CYFIP1: variants seen among roughly 807,000 people sequenced by gnomAD.
CYFIP1 encodes the protein cytoplasmic FMR1 interacting protein 1, also known as cytoplasmic FMR1-interacting protein 1.
Under a neutral mutation model 163.5 loss-of-function variants are expected in CYFIP1, and 58 were observed. The ratio of observed to expected loss-of-function variants is 0.35; its 90% CI spans 0.29 to 0.44. The LOEUF (loss-of-function observed/expected upper bound fraction) is 0.44, where lower values mean the gene tolerates loss of function less well. CYFIP1 is among the 20% of genes least tolerant of loss of function. CYFIP1 has a pLI of 1.00. For missense variants in CYFIP1, 1,338 were observed against 1,653.8 expected, an observed-to-expected ratio of 0.81 and a Z score of 3.31; for synonymous variants, 663 against 660.7, an observed-to-expected ratio of 1.00 and a Z score of -0.05.
chr15:22,947,328 G>A (rs1427025992), intron 1 of CYFIP1, 37 bp from the exon 2 acceptor site: 1 of 1,597,762 alleles, frequency 6.3e-7, no homozygotes, highest in East Asian at 2.2e-5. Context: ...TCTGTGAGGA[G>A]AAGGAGGGGA....
chr15:22,939,139 A>G, intron 8 of CYFIP1, 53 bp downstream of exon 8: 1 of 1,606,256 alleles, frequency 6.2e-7, no homozygotes, highest in African/African-American at 1.3e-5. Flanking sequence ...CCTATTGACA[A>G]GAGTAAGGCT....
intron 1 of CYFIP1, among the ~76,000 whole-genome samples, chr15:22,973,799 A>G (rs1236077960): frequency 6.6e-6 from 1 of 152,236 alleles, no homozygotes; most frequent in Non-Finnish European, 1.5e-5. Flanking sequence ...ATATCTGCAA[A>G]CCATATAACT....
chr15:22,893,068 T>G (rs1032919104), intron 22 of CYFIP1, 91 bp from the exon 23 acceptor site: 3 of 895,352 alleles, frequency 3.4e-6, no homozygotes, highest in Non-Finnish European at 5.3e-6. Flanking sequence ...ATCTACTAAA[T>G]CTTCCTCCCA....
At chr15:22,892,832 T>C in intron 23 of CYFIP1, 58 bp downstream of exon 23, 2 of 1,336,488 alleles carry the variant, frequency 1.5e-6, no homozygotes, top group South Asian at 1.2e-5. Flanking sequence ...TAAACTACAC[T>C]TCAAAACATG....
chr15:22,879,057 A>G (rs1195423056), intron 26 of CYFIP1, among the ~76,000 whole-genome samples: 1 of 151,562 alleles, frequency 6.6e-6, no homozygotes, highest in Admixed American at 6.6e-5. Flanking sequence ...AATGGCGTGA[A>G]CCCGGGAGGC....
At chr15:22,913,966 C>G (rs1012628767) in intron 17 of CYFIP1, among the ~76,000 whole-genome samples, 1 of 152,242 alleles carries the variant, frequency 6.6e-6, no homozygotes, top group Admixed American at 6.5e-5. Flanking sequence ...TCACGGTGCT[C>G]AGAAGACAGA....
At chr15:22,922,803 C>G (rs1171666123) in intron 13 of CYFIP1, among the ~76,000 whole-genome samples, 2 of 152,086 alleles carry the variant, frequency 1.3e-5, no homozygotes, top group African/African-American at 4.8e-5. Flanking sequence ...ACCAGCCTGG[C>G]CAACATGGTG....
chr15:22,878,835 G>A (rs1331513462), intron 26 of CYFIP1, among the ~76,000 whole-genome samples: 4 of 152,148 alleles, frequency 2.6e-5, no homozygotes, highest in South Asian at 2.1e-4. Flanking sequence ...AGAATGAGCT[G>A]TAGAAAAATA....
chr15:22,905,725 A>G (rs914753158), intron 21 of CYFIP1, among the ~76,000 whole-genome samples: 4 of 149,888 alleles, frequency 2.7e-5, no homozygotes, highest in African/African-American at 9.8e-5. Context: ...GGAGCGAGCC[A>G]CCGAGTGCCC....
At chr15:22,958,759 GCT>G (rs1159538871) in intron 1 of CYFIP1, among the ~76,000 whole-genome samples, 3 of 152,150 alleles carry the variant, frequency 2.0e-5, no homozygotes, top group African/African-American at 7.2e-5. Context: ...GCTTTCACTG[GCT>G]CTCTCTGCCT....
intron 1 of CYFIP1, among the ~76,000 whole-genome samples, chr15:22,964,274 CCACACACACACA>C (rs60879784): frequency 4.7e-4 from 46 of 97,176 alleles, no homozygotes; most frequent in African/African-American, 1.3e-3. Context: ...CTCCTCCTCA[CCACACACACACA>C]CACACACACA....
At position 22,910,526 on chromosome 15, in the gene CYFIP1, A is replaced by G. The variant is rs540248676; in HGVS notation, c.2262T>C (p.His754=). Residue 754 remains histidine, a synonymous_variant, in exon 20 of 31, where the codon CAT becomes CAC. Transcript: ENST00000617928. ...NRYETLLKQR[H]VQLLGRSIDL... ...CAGCCCGGCCCCAGCTCACCTGCAC[A>G]TGCCTCTGCTTCAGCAGCGTCTCGT... The G allele has an allele frequency of 3.8e-5, 62 of 1,613,660 alleles. No homozygotes were observed. The Admixed American group carries it at 7.0e-4, about 18-fold the overall frequency.
At chr15:22,967,183 C>A in intron 1 of CYFIP1, among the ~76,000 whole-genome samples, 1 of 152,324 alleles carries the variant, frequency 6.6e-6, no homozygotes, top group Middle Eastern at 3.4e-3. Context: ...CCTATCGCCC[C>A]TTCCCAGGAG....
intron 13 of CYFIP1, among the ~76,000 whole-genome samples, chr15:22,925,186 T>C (rs1317702171): frequency 1.3e-5 from 2 of 152,196 alleles, no homozygotes; most frequent in Non-Finnish European, 2.9e-5. Flanking sequence ...GTTCATATCC[T>C]GATTAAAATC....
In CYFIP1 at chr15:22,910,636, AG is replaced by A; in HGVS notation, c.2160-9del. On this transcript the variant is annotated splice_polypyrimidine_tract_variant and intron_variant, in intron 19 of 30. Coordinates refer to ENST00000617928, the MANE Select transcript of CYFIP1 (RefSeq NM_014608.6). The stretch of plus-strand genomic sequence containing the variant: ...CGTTTATCAAGAAGCAAACTAGTGT[AG>A]AAGGAAGACAGAAAGTTTTTCATAC... 6.2e-7 allele frequency: 1 copy of A among 1,613,238 alleles called. No homozygotes were observed. The highest frequency in any genetic ancestry group is 8.5e-7 in the Non-Finnish European group (1 of 1,179,122).
chr15:22,949,324 A>G (rs912401185), intron 1 of CYFIP1, among the ~76,000 whole-genome samples: 1 of 132,662 alleles, frequency 7.5e-6, no homozygotes, highest in Non-Finnish European at 1.6e-5. Context: ...CTAAGCCTAA[A>G]GCGGGGAGGT....
In CYFIP1 at chr15:22,927,972, C is replaced by T. The variant is rs543780244; in HGVS notation, c.1167G>A (p.Lys389=). Residue 389 remains lysine (K), a synonymous_variant, in exon 12 of 31, where the codon AAG becomes AAA. Coordinates refer to ENST00000617928, the MANE Select transcript of CYFIP1 (RefSeq NM_014608.6). ...EAQKTDAEYR[K]LFDLALQGLQ... ...GGCCCTGCAGCGCCAGGTCGAAGAG[C>T]TTGCGGTACTCCGCGTCCGTCTTCT... is the stretch of plus-strand genomic sequence containing the variant. The T allele has an allele frequency of 6.2e-7, 1 of 1,603,588 alleles. No individual in the cohort carries two copies. Among genetic ancestry groups the T allele is most frequent in the African/African-American group, 1.3e-5 (1 of 74,520 alleles).
chr15:22,978,613 C>T (rs1345025405), intron 1 of CYFIP1, among the ~76,000 whole-genome samples: 1 of 152,058 alleles, frequency 6.6e-6, no homozygotes, highest in Non-Finnish European at 1.5e-5. Flanking sequence ...TTTTAGTATA[C>T]ACGGTTCTAT....
At chr15:22,951,617 G>C (rs1384540164) in intron 1 of CYFIP1, 1 of 1,209,210 alleles carries the variant, frequency 8.3e-7, no homozygotes, top group Non-Finnish European at 1.1e-6. Flanking sequence ...CTGGGGGCGT[G>C]TCCAGTCATG....
Sources: gnomAD v4.1 joint callset for allele counts (sites outside exome capture counted in the v4.1 genomes callset) on GRCh38, gnomAD v4.1.1 for gene constraint, MANE v1.5 for transcripts, NCBI Gene and HGNC (gene_info 2026-07-23, HGNC 2026-07-21) for gene names.